The following CSNK2A2IP variants were observed in gnomAD, a reference collection of about 807,000 sequenced individuals.
CSNK2A2IP encodes casein kinase 2 subunit alpha' interacting protein, also known as casein kinase II subunit alpha'-interacting protein.
At chr3:88,430,420 A>G in the CSNK2A2IP span, among the ~76,000 whole-genome samples, 1 of 152,114 alleles carries the variant, frequency 6.6e-6, no homozygotes, top group Non-Finnish European at 1.5e-5. Flanking sequence ...TTTTCATTAT[A>G]TATACTATAC....
chr3:88,417,150 T>C, the CSNK2A2IP span, among the ~76,000 whole-genome samples: 1 of 152,144 alleles, frequency 6.6e-6, no homozygotes, highest in East Asian at 1.9e-4. Flanking sequence ...ATATACTGCG[T>C]TGATAGACAC....
chr3:88,382,056 G>C, the CSNK2A2IP span, among the ~76,000 whole-genome samples: 1 of 152,162 alleles, frequency 6.6e-6, no homozygotes, highest in South Asian at 2.1e-4. Context: ...CGTATTCTTT[G>C]CTCTCTCCCA....
At chr3:88,444,540 T>G in the CSNK2A2IP span, among the ~76,000 whole-genome samples, 1 of 152,230 alleles carries the variant, frequency 6.6e-6, no homozygotes, top group East Asian at 1.9e-4. Flanking sequence ...GATGATATTT[T>G]AAGGTATTTT....
chr3:88,408,589 G>T, the CSNK2A2IP span, among the ~76,000 whole-genome samples: 2 of 152,066 alleles, frequency 1.3e-5, no homozygotes, highest in East Asian at 3.9e-4. Flanking sequence ...AGAAAGTAAA[G>T]CATTCCATTT....
the CSNK2A2IP span, among the ~76,000 whole-genome samples, chr3:88,340,041 A>T: frequency 9.9e-5 from 15 of 152,140 alleles, no homozygotes; most frequent in East Asian, 2.5e-3. Flanking sequence ...GAGGACACGG[A>T]ATGACTTTAA....
At chr3:88,452,309 G>A in the CSNK2A2IP span, among the ~76,000 whole-genome samples, 5 of 151,806 alleles carry the variant, frequency 3.3e-5, no homozygotes, top group South Asian at 2.1e-4. Context: ...AATTAAAAGC[G>A]AAAAAATTAT....
chr3:88,406,349 G>A, the CSNK2A2IP span, among the ~76,000 whole-genome samples: 86,835 of 151,970 alleles, frequency 0.57, 25,620 homozygotes, highest in East Asian at 0.73. Flanking sequence ...AATTCAATGA[G>A]TACAATTCAG....
the CSNK2A2IP span, among the ~76,000 whole-genome samples, chr3:88,406,814 A>C: frequency 1.3e-5 from 2 of 152,162 alleles, no homozygotes; most frequent in African/African-American, 4.8e-5. Flanking sequence ...TCAATATTTA[A>C]ATTCCATTCT....
At chr3:88,354,543 G>A in the CSNK2A2IP span, among the ~76,000 whole-genome samples, 1 of 152,180 alleles carries the variant, frequency 6.6e-6, no homozygotes, top group East Asian at 1.9e-4. Flanking sequence ...TTAAGTGAGA[G>A]ATGTTATGCA....
At chr3:88,402,024 C>CTTT in the CSNK2A2IP span, among the ~76,000 whole-genome samples, 1 of 140,256 alleles carries the variant, frequency 7.1e-6, no homozygotes, top group African/African-American at 2.6e-5. Context: ...TCTGCTATGT[C>CTTT]TTTTTTTTTT....
chr3:88,419,994 C>T, the CSNK2A2IP span, among the ~76,000 whole-genome samples: 6 of 152,130 alleles, frequency 3.9e-5, no homozygotes, highest in South Asian at 2.1e-4. Context: ...CTATTCCCAC[C>T]ACATAGAATC....
chr3:88,462,591 G>A, the CSNK2A2IP span, among the ~76,000 whole-genome samples: 1 of 152,102 alleles, frequency 6.6e-6, no homozygotes, highest in South Asian at 2.1e-4. Context: ...TGTAATGGTG[G>A]CATTCTACAG....
the CSNK2A2IP span, among the ~76,000 whole-genome samples, chr3:88,421,621 T>C: frequency 6.6e-6 from 1 of 152,146 alleles, no homozygotes; most frequent in Non-Finnish European, 1.5e-5. Flanking sequence ...TTTACTATGT[T>C]GGCCAGTCTG....
chr3:88,391,586 C>A, the CSNK2A2IP span, among the ~76,000 whole-genome samples: 6 of 152,216 alleles, frequency 3.9e-5, no homozygotes, highest in Admixed American at 3.9e-4. Context: ...TAAGATATAA[C>A]TTCATGATTA....
the CSNK2A2IP span, chr3:88,465,049 A>C: frequency 4.6e-6 from 1 of 219,636 alleles, no homozygotes; most frequent in East Asian, 9.8e-5. Context: ...TATTTCTATC[A>C]GGACCTCTTC....
the CSNK2A2IP span, chr3:88,465,424 G>A: frequency 8.1e-7 from 1 of 1,231,628 alleles, no homozygotes; most frequent in Non-Finnish European, 1.0e-6. Flanking sequence ...ACTGTCCTCA[G>A]CCAATACATT....
chr3:88,364,819 A>T, the CSNK2A2IP span, among the ~76,000 whole-genome samples: 1 of 152,184 alleles, frequency 6.6e-6, no homozygotes, highest in Admixed American at 6.6e-5. Flanking sequence ...CAGATTTTAG[A>T]CTGGATATGG....
chr3:88,376,193 G>T, the CSNK2A2IP span, among the ~76,000 whole-genome samples: 1 of 151,342 alleles, frequency 6.6e-6, no homozygotes. Context: ...ATATTGGTGT[G>T]CTCTGTGATT....
chr3:88,339,884 A>C, the CSNK2A2IP span, among the ~76,000 whole-genome samples: 1 of 151,964 alleles, frequency 6.6e-6, no homozygotes, highest in Non-Finnish European at 1.5e-5. Context: ...CTATTGAAGT[A>C]GTTTTTGTTT....
Sources: gnomAD v4.1 joint callset for allele counts (sites outside exome capture counted in the v4.1 genomes callset) on GRCh38, gnomAD v4.1.1 for gene constraint, MANE v1.5 for transcripts, NCBI Gene and HGNC (gene_info 2026-07-23, HGNC 2026-07-21) for gene names.